Variants in ARHGAP23 observed in about 807,000 individuals in gnomAD.
ARHGAP23 encodes the protein rho GTPase-activating protein 23.
A neutral mutation model predicts 136.3 loss-of-function variants in ARHGAP23; 34 were observed. The observed-to-expected ratio is 0.25, with a 90% confidence interval of 0.19 to 0.33. The LOEUF is 0.33. Among genes scored for constraint, ARHGAP23 ranks in the 10% least tolerant of loss-of-function variants. The pLI is 1.00. For synonymous variants in ARHGAP23, 832 were observed against 920.5 expected, an observed-to-expected ratio of 0.90 and a Z score of 1.74; for missense variants, 1,808 against 2,139.0, an observed-to-expected ratio of 0.85 and a Z score of 3.05.
chr17:38,458,730 A>C (rs1021553276), intron 2 of ARHGAP23, among the ~76,000 whole-genome samples: 3 of 152,140 alleles, frequency 2.0e-5, no homozygotes, highest in African/African-American at 7.2e-5. Flanking sequence ...CCCTCCCAGC[A>C]CGCCCCTGGC....
rs1469313175 is a variant in ARHGAP23, at chr17:38,466,569, G to A, written c.886G>A (p.Val296Ile). The A allele has an allele frequency of 1.5e-5, 23 of 1,487,038 alleles. No homozygotes were observed. The East Asian group carries it at 4.4e-4, about 29-fold the overall frequency. 92.1% of individuals were successfully genotyped at this position (1,487,038 alleles called of 1,614,324 possible). A position where few individuals can be genotyped will look rare whatever the true frequency, so the allele number is the denominator to read the frequency against. The change falls in exon 7 of 24, where the codon GTA becomes ATA. Residue 296 changes from valine to isoleucine, a missense_variant. Coordinates refer to ENST00000622683, the MANE Select transcript of ARHGAP23 (RefSeq NM_001199417.2). ...QALSHWLSNQVPRRAGERRCP... is the reference protein window; with the variant it reads ...QALSHWLSNQIPRRAGERRCP... ...CTTGTCACACTGGCTGTCAAACCAG[G>A]TACCCCGCCGGGCGGGGGAGAGACG...
chr17:38,448,641 GTTTTTTTTTTTTTTT>G (rs11327949), intron 1 of ARHGAP23, among the ~76,000 whole-genome samples: 1 of 106,164 alleles, frequency 9.4e-6, no homozygotes, highest in African/African-American at 3.9e-5. Flanking sequence ...AACTTGGGGA[GTTTTTTTTTTTTTTT>G]TTTTTTTGAG....
At chr17:38,488,185 G>A (rs1386103464) in intron 17 of ARHGAP23, among the ~76,000 whole-genome samples, 1 of 152,152 alleles carries the variant, frequency 6.6e-6, no homozygotes, top group Admixed American at 6.5e-5. Context: ...TGGGATTTTA[G>A]GCTTGAGCCA....
upstream of ARHGAP23, among the ~76,000 whole-genome samples, chr17:38,425,495 C>G (rs577325696): frequency 6.6e-6 from 1 of 152,198 alleles, no homozygotes; most frequent in Non-Finnish European, 1.5e-5. Flanking sequence ...CTAGGCCTCA[C>G]CTCTGTATTC....
chr17:38,472,231 G>C (rs573552917), intron 11 of ARHGAP23, among the ~76,000 whole-genome samples: 3 of 152,280 alleles, frequency 2.0e-5, no homozygotes, highest in East Asian at 1.9e-4. Flanking sequence ...GGATCTGATC[G>C]AGTCGTGCTT....
chr17:38,430,279 A>T (rs1242779928), intron 1 of ARHGAP23, among the ~76,000 whole-genome samples: 1 of 152,122 alleles, frequency 6.6e-6, no homozygotes, highest in Non-Finnish European at 1.5e-5. Context: ...GAGGGTAGTC[A>T]GGGCACAAGA....
intron 14 of ARHGAP23, among the ~76,000 whole-genome samples, chr17:38,480,302 G>A (rs2040004015): frequency 6.6e-6 from 1 of 152,172 alleles, no homozygotes; most frequent in South Asian, 2.1e-4. Context: ...AGGAGTTCAA[G>A]ACCAGCCTGA....
chr17:38,447,273 C>A (rs1028302887), intron 1 of ARHGAP23, among the ~76,000 whole-genome samples: 2 of 151,768 alleles, frequency 1.3e-5, no homozygotes, highest in Non-Finnish European at 2.9e-5. Context: ...GAAACCCCAT[C>A]TCCACTGAAA....
At position 38,510,661 on chromosome 17, in the gene ARHGAP23, C is replaced by T; in HGVS notation, c.4165C>T (p.Arg1389Trp). The T allele has an allele frequency of 7.2e-7, 1 of 1,384,756 alleles. No homozygotes were observed. 85.8% of individuals were successfully genotyped at this position (1,384,756 alleles called of 1,614,324 possible). Residue 1389 changes from arginine to tryptophan, a missense_variant, in exon 24 of 24, where the codon CGG becomes TGG. This residue lies in a region of ARHGAP23 where 506 missense variants were observed against 455.8 expected (regional missense o/e 1.11). Transcript: ENST00000622683. This position sits in a 1 kb window ranked among gnomAD's most constrained non-coding sequence, Gnocchi z 4.6. ...GGACGACATGCTCGCCGTGCGCCTG[C>T]GGCGGCCGCTGTCGCCCGAGACCCG... Reference protein sequence around the residue: ...TADDMLAVRLRRPLSPETRRR... With the variant: ...TADDMLAVRLWRPLSPETRRR...
intron 1 of ARHGAP23, among the ~76,000 whole-genome samples, chr17:38,447,817 A>G (rs1451145731): frequency 6.6e-6 from 1 of 152,216 alleles, no homozygotes; most frequent in Non-Finnish European, 1.5e-5. Flanking sequence ...GGGTTGTGGT[A>G]AGCCCTGTCC....
rs2039444929 is a variant in ARHGAP23, at chr17:38,460,922, C to T, written c.243C>T (p.Gly81=). 1.3e-6 allele frequency: 2 copies of T among 1,536,024 alleles called. No individual in the cohort carries two copies. Among genetic ancestry groups the T allele is most frequent in the Non-Finnish European group, 1.7e-6 (2 of 1,146,844 alleles). ...HCSLKEEENG[G]RGGGPSPRYR... is the part of the protein sequence containing the mutation. ...CCCTGCAGGAGGAAGAGAATGGAGG[C>T]CGTGGAGGAGGTAAGGGAGGACTGG... The change falls in exon 3 of 24, where the codon GGC becomes GGT. Residue 81 remains glycine (G), a synonymous_variant. Coordinates refer to ENST00000622683, the MANE Select transcript of ARHGAP23 (RefSeq NM_001199417.2).
upstream of ARHGAP23, among the ~76,000 whole-genome samples, chr17:38,424,852 A>C (rs2038554616): frequency 6.6e-6 from 1 of 152,164 alleles, no homozygotes; most frequent in Admixed American, 6.5e-5. Context: ...TGTGAGGCTT[A>C]ACTGGGATCT....
rs1224483213 is a variant in ARHGAP23, at chr17:38,482,478, C to T, written c.2752-45C>T. ...TGTCCCCTTCTTGGCCTCCCCAGCTCCTCTGGCCCCTGTCCCCCCTAACAC... is the reference window on the plus strand; with the variant it reads ...TGTCCCCTTCTTGGCCTCCCCAGCTTCTCTGGCCCCTGTCCCCCCTAACAC... On this transcript the variant is annotated intron_variant, in intron 15 of 23. Transcript: ENST00000622683. 5.3e-6 allele frequency: 8 copies of T among 1,498,664 alleles called. No homozygotes were observed. In the South Asian group the frequency reaches 9.0e-5, roughly 17 times the overall value. 92.8% of individuals were successfully genotyped at this position (1,498,664 alleles called of 1,614,324 possible).
At chr17:38,419,443 A>C (rs1402318462) in intron 1 of ARHGAP23, 1 of 148,126 alleles carries the variant, frequency 6.8e-6, no homozygotes, top group African/African-American at 2.5e-5. Context: ...GAGGGGAGAG[A>C]GAGCTGCGGG....
At chr17:38,438,430 G>T (rs1005049029) in intron 1 of ARHGAP23, among the ~76,000 whole-genome samples, 2 of 152,092 alleles carry the variant, frequency 1.3e-5, no homozygotes, top group East Asian at 1.9e-4. Context: ...AGGCAAGGAG[G>T]CATGAACCAG....
intron 1 of ARHGAP23, among the ~76,000 whole-genome samples, chr17:38,437,406 A>G (rs1014348640): frequency 1.3e-5 from 2 of 152,100 alleles, no homozygotes; most frequent in African/African-American, 4.8e-5. Flanking sequence ...GATTACAGGC[A>G]TGAACCAAAG....
In ARHGAP23 at chr17:38,482,091, C is replaced by T. The variant is rs1454385590; in HGVS notation, c.2699C>T (p.Pro900Leu). The change falls in exon 15 of 24, where the codon CCG becomes CTG. Residue 900 changes from proline (P) to leucine (L), a missense_variant. Pro to Leu is a moderately conservative substitution (Grantham distance 98, BLOSUM62 -3). This residue lies in a region of ARHGAP23 where 73 missense variants were observed against 82.5 expected (regional missense o/e 0.88). Transcript: ENST00000622683. ...ATCAAGAAAAATAAGAAGGCCGCTC[C>T]GAGGGCGTTTGGGGTCAGGCTGGAG... ...NIIKKNKKAA[P>L]RAFGVRLEEC... is the part of the protein sequence containing the mutation. 5.2e-6 allele frequency: 8 copies of T among 1,550,108 alleles called. No individual in the cohort carries two copies. The highest frequency in any genetic ancestry group is 4.9e-5 in the East Asian group (2 of 40,854).
intron 1 of ARHGAP23, among the ~76,000 whole-genome samples, chr17:38,449,625 G>T (rs551342670): frequency 6.6e-6 from 1 of 152,152 alleles, no homozygotes; most frequent in Non-Finnish European, 1.5e-5. Context: ...TGTCAGTATC[G>T]CATTGCCTGC....
In ARHGAP23 at chr17:38,467,046, C is replaced by T; in HGVS notation, c.1363C>T (p.Pro455Ser). Residue 455 changes from proline to serine, a missense_variant, in exon 7 of 24, where the codon CCT becomes TCT. Coordinates refer to ENST00000622683, the MANE Select transcript of ARHGAP23 (RefSeq NM_001199417.2). ...GLPTFNLAQS[P>S]ASFPPEASEP... Reference sequence around the variant, plus strand: ...GCCTACCTTCAACCTGGCCCAGTCCCCTGCGTCATTCCCACCAGAGGCCTC... The same window carrying T: ...GCCTACCTTCAACCTGGCCCAGTCCTCTGCGTCATTCCCACCAGAGGCCTC... 6.4e-7 allele frequency: 1 copy of T among 1,551,002 alleles called. No individual in the cohort carries two copies. The highest frequency in any genetic ancestry group is 8.7e-7 in the Non-Finnish European group (1 of 1,146,978).
Sources: gnomAD v4.1 joint callset for allele counts (sites outside exome capture counted in the v4.1 genomes callset) on GRCh38, gnomAD v4.1.1 for gene constraint, gnomAD v4.1.1 regional missense constraint, Gnocchi (gnomAD v3.1) non-coding constraint, MANE v1.5 for transcripts, NCBI Gene and HGNC (gene_info 2026-07-23, HGNC 2026-07-21) for gene names.